The following ZSCAN22 variants were observed in gnomAD, a reference collection of about 807,000 sequenced individuals.
ZSCAN22 encodes the protein zinc finger and SCAN domain-containing protein 22.
Under a neutral mutation model 12.4 loss-of-function variants are expected in ZSCAN22, and 7 were observed. The observed-to-expected ratio is 0.57, with a 90% CI of 0.32 to 1.06. ZSCAN22 has a LOEUF of 1.06. ZSCAN22 is among the 50% of genes least tolerant of loss of function. ZSCAN22 has a pLI of 0.04. For missense variants in ZSCAN22, 576 were observed against 631.7 expected, an observed-to-expected ratio of 0.91 and a Z score of 0.94; for synonymous variants, 243 against 255.9, an observed-to-expected ratio of 0.95 and a Z score of 0.48.
At chr19:58,334,565 A>C in intron 1 of ZSCAN22, 187 bp from the exon 2 acceptor site, 1 of 463,202 alleles carries the variant, frequency 2.2e-6, no homozygotes, top group Non-Finnish European at 3.8e-6. Context: ...ATGAGTCTAC[A>C]TGCAAGCAGT....
chr19:58,341,473 C>G lies in ZSCAN22; in HGVS notation c.*2147C>G, dbSNP rs1452346838. 1 of 152,246 alleles carries G rather than the reference C, an allele frequency of 6.6e-6. No individual in the cohort carries two copies. Among genetic ancestry groups the G allele is most frequent in the Non-Finnish European group, 1.5e-5 (1 of 68,062 alleles). 9.4% of individuals were successfully genotyped at this position (152,246 alleles called of 1,614,324 possible). A position where few individuals can be genotyped will look rare whatever the true frequency, so the allele number is the denominator to read the frequency against. ...ACCATTTGACCTGGCGTATTGTGTACTAGTCACCGTCACCATCTCTCCATA... is the reference window on the plus strand; with the variant it reads ...ACCATTTGACCTGGCGTATTGTGTAGTAGTCACCGTCACCATCTCTCCATA... On this transcript the variant is annotated 3_prime_UTR_variant, in exon 3 of 3. Coordinates refer to ENST00000329665, the MANE Select transcript of ZSCAN22 (RefSeq NM_181846.3).
chr19:58,338,162 T>C lies in ZSCAN22; in HGVS notation c.404-92T>C, dbSNP rs2051819412. The stretch of plus-strand genomic sequence containing the variant: ...GGCCAGATGTTAGGAACGGGCCACA[T>C]CTCCCCTTACAAAGTGTGACCGGGG... On this transcript the variant is annotated intron_variant, in intron 2 of 2. Transcript: ENST00000329665. This position sits in a 1 kb window ranked among gnomAD's most constrained non-coding sequence, Gnocchi z 5.4. 1.7e-6 allele frequency: 2 copies of C among 1,203,280 alleles called. No individual in the cohort carries two copies. Among genetic ancestry groups the C allele is most frequent in the Non-Finnish European group, 2.3e-6 (2 of 856,274 alleles). 74.5% of individuals were successfully genotyped at this position (1,203,280 alleles called of 1,614,324 possible).
In ZSCAN22 at chr19:58,338,407, G is replaced by C; in HGVS notation, c.557G>C (p.Arg186Thr). The C allele has an allele frequency of 6.2e-7, 1 of 1,614,176 alleles. No homozygotes were observed. The highest frequency in any genetic ancestry group is 8.5e-7 in the Non-Finnish European group (1 of 1,180,016). Residue 186 changes from arginine (R) to threonine (T), a missense_variant, in exon 3 of 3, where the codon AGG (arginine) becomes ACG (threonine). Arg to Thr is a moderately conservative substitution (Grantham distance 71). Transcript: ENST00000329665. The surrounding 1 kb of genome is among the most constrained non-coding windows in gnomAD (Gnocchi z 5.4). ...TGTGAACCTGAGGGCAGCTCAGAGA[G>C]GTCTGGACTATCAGGGGAGATCTGG... ...KACEPEGSSERSGLSGEIWTK... is the reference protein window; with the variant it reads ...KACEPEGSSETSGLSGEIWTK...
rs2051695244 is a variant in ZSCAN22, at chr19:58,329,294, T to G, written c.-52+2180T>G. Among the ~76,000 whole-genome samples the G allele has an allele frequency of 6.6e-6, 1 of 152,194 alleles. No homozygotes were observed. The highest frequency in any genetic ancestry group is 1.5e-5 in the Non-Finnish European group (1 of 68,018). ...TTCCTGTGCCCAAGGCCATTGCTCT[T>G]TCTCAGGCCTCCTGCATCTCTGTCC... On this transcript the variant is annotated intron_variant, in intron 1 of 2. Coordinates refer to ENST00000329665, the MANE Select transcript of ZSCAN22 (RefSeq NM_181846.3). The surrounding 1 kb of genome is among the most constrained non-coding windows in gnomAD (Gnocchi z 4.1).
rs751963267 is a variant in ZSCAN22, at chr19:58,338,700, G to A, written c.850G>A (p.Glu284Lys). ...RKMFQSASAL[E>K]AHQKTHSRKT... The stretch of plus-strand genomic sequence containing the variant: ...GATGTTCCAGAGTGCTTCGGCGCTC[G>A]AGGCACACCAGAAGACCCATTCTCG... The change falls in exon 3 of 3, where the codon GAG (glutamate) becomes AAG (lysine). Residue 284 changes from glutamate to lysine, a missense_variant. Coordinates refer to ENST00000329665, the MANE Select transcript of ZSCAN22 (RefSeq NM_181846.3). The surrounding 1 kb of genome is among the most constrained non-coding windows in gnomAD (Gnocchi z 5.4). The A allele has an allele frequency of 4.3e-5, 70 of 1,614,176 alleles. No individual in the cohort carries two copies. In the South Asian group the frequency reaches 6.1e-4, roughly 14 times the overall value.
rs2051782786 is a variant in ZSCAN22, at chr19:58,335,223, G to A, written c.403+18G>A. 1 of 1,543,276 alleles carries A rather than the reference G, an allele frequency of 6.5e-7. No homozygotes were observed. Among genetic ancestry groups the A allele is most frequent in the South Asian group, 1.2e-5 (1 of 81,224 alleles). On this transcript the variant is annotated intron_variant, in intron 2 of 2. Coordinates refer to ENST00000329665, the MANE Select transcript of ZSCAN22 (RefSeq NM_181846.3). This position sits in a 1 kb window ranked among gnomAD's most constrained non-coding sequence, Gnocchi z 4.1. The stretch of plus-strand genomic sequence containing the variant: ...CAAGAGAGGTAAAGGGGCGCCGTGG[G>A]CAGCTTCACGGCACACCAGAGATAC...
At chr19:58,332,267 G>GTTTT (rs2051736030) in intron 1 of ZSCAN22, among the ~76,000 whole-genome samples, 3 of 103,542 alleles carry the variant, frequency 2.9e-5, no homozygotes, top group Non-Finnish European at 5.4e-5. Flanking sequence ...ACACTAATAT[G>GTTTT]CTTTTTTTTT....
At chr19:58,332,228 C>A (rs1414277227) in intron 1 of ZSCAN22, among the ~76,000 whole-genome samples, 1 of 144,472 alleles carries the variant, frequency 6.9e-6, no homozygotes, top group Non-Finnish European at 1.5e-5. Flanking sequence ...CAACCACTCT[C>A]ATTTTTGTCT....
intron 1 of ZSCAN22, among the ~76,000 whole-genome samples, chr19:58,331,516 ACGTTATTATTATTAT>A (rs1178726012): frequency 1.2e-4 from 16 of 130,124 alleles, no homozygotes; most frequent in South Asian, 2.5e-4. Flanking sequence ...CGTCCAGCTG[ACGTTATTATTATTAT>A]TATTATTATT....
chr19:58,338,365 C>T lies in ZSCAN22; in HGVS notation c.515C>T (p.Pro172Leu). 6.2e-7 allele frequency: 1 copy of T among 1,614,154 alleles called. No homozygotes were observed. The highest frequency in any genetic ancestry group is 1.3e-5 in the African/African-American group (1 of 75,028). The change falls in exon 3 of 3, where the codon CCC becomes CTC. Residue 172 changes from proline to leucine, a missense_variant. Physicochemically the swap from Pro to Leu is moderately conservative, Grantham distance 98. Coordinates refer to ENST00000329665, the MANE Select transcript of ZSCAN22 (RefSeq NM_181846.3). The surrounding 1 kb of genome is among the most constrained non-coding windows in gnomAD (Gnocchi z 5.4). Reference protein sequence around the residue: ...ETLMGGVSLGPAFVKACEPEG... With the variant: ...ETLMGGVSLGLAFVKACEPEG... ...CTCATGGGAGGTGTTTCCCTTGGAC[C>T]CGCCTTTGTCAAGGCATGTGAACCT...
Position 58,342,074 on chromosome 19 carries a change from T to G in ZSCAN22, c.*2748T>G, listed in dbSNP as rs2051882730. ...TCACCCATTTGGTCGTTGAGACATA[T>G]CTGTCCATGTCTGTCTAAAAGGGGA... On this transcript the variant is annotated 3_prime_UTR_variant, in exon 3 of 3. Coordinates refer to ENST00000329665, the MANE Select transcript of ZSCAN22 (RefSeq NM_181846.3). 6.6e-6 allele frequency: 1 copy of G among 152,206 alleles called. No homozygotes were observed. The allele number at this position is 152,206 out of a possible 1,614,324, so 9.4% of individuals were successfully genotyped here.
At chr19:58,336,563 G>A (rs774016008) in intron 2 of ZSCAN22, among the ~76,000 whole-genome samples, 11 of 152,136 alleles carry the variant, frequency 7.2e-5, no homozygotes, top group Non-Finnish European at 1.6e-4. Context: ...GGCTGGGGGA[G>A]CAGGGGAGAC....
In ZSCAN22 at chr19:58,334,790, G is replaced by A; in HGVS notation, c.-13G>A. On this transcript the variant is annotated 5_prime_UTR_variant, in exon 2 of 3. Coordinates refer to ENST00000329665, the MANE Select transcript of ZSCAN22 (RefSeq NM_181846.3). ...GCTCCGGCATCCTGTGTCTCACTGA[G>A]CACTGCTGCCCGATGGCCATCCCCA... 6.3e-7 allele frequency: 1 copy of A among 1,582,626 alleles called. No individual in the cohort carries two copies. Among genetic ancestry groups the A allele is most frequent in the Non-Finnish European group, 8.6e-7 (1 of 1,161,242 alleles).
At chr19:58,334,600 C>G (rs1568543255) in intron 1 of ZSCAN22, 152 bp from the exon 2 acceptor site, 2 of 598,660 alleles carry the variant, frequency 3.3e-6, no homozygotes, top group South Asian at 4.6e-5. Flanking sequence ...GTGCTCAGCA[C>G]CAAGTGGGTG....
At chr19:58,330,034 A>G (rs1343251175) in intron 1 of ZSCAN22, among the ~76,000 whole-genome samples, 1 of 152,220 alleles carries the variant, frequency 6.6e-6, no homozygotes, top group Non-Finnish European at 1.5e-5. Flanking sequence ...CATGCCTGTA[A>G]TCCCAGCAAT....
In ZSCAN22 at chr19:58,329,843, C is replaced by T. The variant is rs1174827555; in HGVS notation, c.-52+2729C>T. Among the ~76,000 whole-genome samples the T allele has an allele frequency of 6.6e-6, 1 of 152,138 alleles. No individual in the cohort carries two copies. Among genetic ancestry groups the T allele is most frequent in the African/African-American group, 2.4e-5 (1 of 41,438 alleles). On this transcript the variant is annotated intron_variant, in intron 1 of 2. Coordinates refer to ENST00000329665, the MANE Select transcript of ZSCAN22 (RefSeq NM_181846.3). This position sits in a 1 kb window ranked among gnomAD's most constrained non-coding sequence, Gnocchi z 4.1. ...AGGCATCCACTGGAGGGTCTTGGAA[C>T]ACATCCCCTGCAGATAAGGGGGAAC...
intron 1 of ZSCAN22, among the ~76,000 whole-genome samples, chr19:58,332,788 A>T (rs1307757863): frequency 6.6e-6 from 1 of 152,166 alleles, no homozygotes; most frequent in Non-Finnish European, 1.5e-5. Flanking sequence ...TTTTGTGAGG[A>T]CATATACTCA....
intron 1 of ZSCAN22, among the ~76,000 whole-genome samples, chr19:58,328,717 T>C (rs922979620): frequency 2.0e-5 from 3 of 152,176 alleles, no homozygotes; most frequent in Non-Finnish European, 4.4e-5. Context: ...GAGGGATTTC[T>C]CCAGAACAGG....
rs368067988 is a variant in ZSCAN22, at chr19:58,335,218, C to G, written c.403+13C>G. The G allele has an allele frequency of 1.3e-6, 2 of 1,557,270 alleles. No individual in the cohort carries two copies. The highest frequency in any genetic ancestry group is 1.4e-5 in the African/African-American group (1 of 73,506). ...CTGGACAAGAGAGGTAAAGGGGCGCCGTGGGCAGCTTCACGGCACACCAGA... is the reference window on the plus strand; with the variant it reads ...CTGGACAAGAGAGGTAAAGGGGCGCGGTGGGCAGCTTCACGGCACACCAGA... On this transcript the variant is annotated intron_variant, in intron 2 of 2. Coordinates refer to ENST00000329665, the MANE Select transcript of ZSCAN22 (RefSeq NM_181846.3). This position sits in a 1 kb window ranked among gnomAD's most constrained non-coding sequence, Gnocchi z 4.1.
Sources: allele counts gnomAD v4.1 joint callset (sites outside exome capture counted in the v4.1 genomes callset), GRCh38; gene constraint gnomAD v4.1.1; non-coding constraint Gnocchi (gnomAD v3.1); transcripts MANE v1.5; gene names NCBI Gene and HGNC (gene_info 2026-07-23, HGNC 2026-07-21).